Variants in CYYR1 observed in about 807,000 individuals in gnomAD.
CYYR1 encodes cysteine and tyrosine-rich protein 1.
In CYYR1, 14 loss-of-function variants were observed where a neutral mutation model predicts 15.2. That is an observed-to-expected ratio of 0.92 (90% CI 0.61 to 1.44). The LOEUF is 1.44. Ranked by LOEUF, CYYR1 falls within the 40% of genes most tolerant of loss-of-function variation. The pLI is 0.00. For missense variants in CYYR1, 228 were observed against 209.5 expected (o/e 1.09, Z -0.54); for synonymous variants, 80 against 77.4 (o/e 1.03, Z -0.18).
At chr21:26,520,111 GAGAT>G (rs765010626) in intron 2 of CYYR1, among the ~76,000 whole-genome samples, 8,541 of 83,060 alleles carry the variant, frequency 0.1, 673 homozygotes, top group South Asian at 0.12. Context: ...AAAAACCCAG[GAGAT>G]ATATATATAT....
chr21:26,542,290 C>CGTGTGTGTGTGTGT (rs55725152), intron 2 of CYYR1, among the ~76,000 whole-genome samples: 6 of 128,070 alleles, frequency 4.7e-5, no homozygotes, highest in Admixed American at 2.5e-4. Flanking sequence ...TGTGTGTGTG[C>CGTGTGTGTGTGTGT]GTGTGTGTGT....
At chr21:26,534,981 T>C (rs374942685) in intron 2 of CYYR1, among the ~76,000 whole-genome samples, 1 of 152,190 alleles carries the variant, frequency 6.6e-6, no homozygotes, top group East Asian at 1.9e-4. Flanking sequence ...TACAAATGTA[T>C]TCTATCTGGA....
intron 2 of CYYR1, among the ~76,000 whole-genome samples, chr21:26,534,896 A>G (rs2065976035): frequency 6.6e-6 from 1 of 152,160 alleles, no homozygotes; most frequent in Non-Finnish European, 1.5e-5. Context: ...TGTATGTACG[A>G]TCTTATGTAA....
chr21:26,490,316 AT>A (rs575398943), intron 2 of CYYR1, among the ~76,000 whole-genome samples: 9 of 151,898 alleles, frequency 5.9e-5, no homozygotes, highest in East Asian at 1.9e-4. Context: ...TTTAAAAAAA[AT>A]ATATATATAT....
At chr21:26,475,701 A>T (rs1167693995) in intron 3 of CYYR1, among the ~76,000 whole-genome samples, 1 of 152,174 alleles carries the variant, frequency 6.6e-6, no homozygotes, top group Non-Finnish European at 1.5e-5. Flanking sequence ...CTACTTCATC[A>T]TACCCATAAA....
intron 3 of CYYR1, chr21:26,478,189 A>G (rs528863545): frequency 3.9e-6 from 6 of 1,543,608 alleles, no homozygotes; most frequent in Middle Eastern, 1.7e-4. Flanking sequence ...GCTAAACTAT[A>G]CGATATCTTG....
At chr21:26,499,455 T>C (rs2065450856) in intron 2 of CYYR1, among the ~76,000 whole-genome samples, 1 of 152,214 alleles carries the variant, frequency 6.6e-6, no homozygotes, top group Non-Finnish European at 1.5e-5. Context: ...AGACTTCTGG[T>C]CCCCAGAACG....
At chr21:26,476,585 C>CATCTATCT (rs11450529) in intron 3 of CYYR1, among the ~76,000 whole-genome samples, 29,478 of 143,636 alleles carry the variant, frequency 0.21, 3,008 homozygotes, top group South Asian at 0.26. Flanking sequence ...CCCTATCTAT[C>CATCTATCT]ATCTATCTAT....
At chr21:26,477,156 G>A (rs959294052) in intron 3 of CYYR1, among the ~76,000 whole-genome samples, 1 of 152,080 alleles carries the variant, frequency 6.6e-6, no homozygotes, top group Non-Finnish European at 1.5e-5. Context: ...GTGGGCTGTA[G>A]GACTATACAA....
intron 2 of CYYR1, among the ~76,000 whole-genome samples, chr21:26,500,352 A>G (rs750926402): frequency 3.9e-5 from 6 of 152,190 alleles, no homozygotes; most frequent in Non-Finnish European, 5.9e-5. Flanking sequence ...CACATAGGAA[A>G]GAGGGTCAGC....
chr21:26,494,267 T>C (rs1228939238), intron 2 of CYYR1, among the ~76,000 whole-genome samples: 2 of 152,224 alleles, frequency 1.3e-5, no homozygotes, highest in African/African-American at 4.8e-5. Flanking sequence ...GGTGTGATAA[T>C]TAATTACAGT....
intron 2 of CYYR1, among the ~76,000 whole-genome samples, chr21:26,525,748 G>C (rs1387577904): frequency 6.6e-6 from 1 of 152,180 alleles, no homozygotes; most frequent in East Asian, 1.9e-4. Flanking sequence ...TATAGTCATT[G>C]CCTACATGTG....
chr21:26,552,870 G>T (rs750631488), intron 2 of CYYR1, among the ~76,000 whole-genome samples: 39 of 151,956 alleles, frequency 2.6e-4, no homozygotes, highest in Non-Finnish European at 4.4e-4. Flanking sequence ...TTAAATAGTC[G>T]ATTGCATTTT....
At chr21:26,510,300 A>G (rs2065629015) in intron 2 of CYYR1, among the ~76,000 whole-genome samples, 1 of 152,218 alleles carries the variant, frequency 6.6e-6, no homozygotes, top group Admixed American at 6.5e-5. Context: ...TTATAAAGTT[A>G]TCTCATTGTT....
Position 26,499,872 on chromosome 21 carries a change from A to G in CYYR1, c.177-19443T>C, listed in dbSNP as rs1157039960. On this transcript the variant is annotated intron_variant, in intron 2 of 3. Coordinates refer to ENST00000652641, the MANE Select transcript of CYYR1 (RefSeq NM_001320768.2). ...TTTTTTCAGAGAAGGGGTCTATGGT[A>G]GTGCAGGGAGAGAACTGGAAAGGGC... Among the ~76,000 whole-genome samples, 5 of 150,350 alleles carry G rather than the reference A, an allele frequency of 3.3e-5. 1 individual carries two copies. In the South Asian group the frequency reaches 1.1e-3, roughly 32 times the overall value.
chr21:26,504,877 T>G (rs975891285), intron 2 of CYYR1, among the ~76,000 whole-genome samples: 1 of 152,154 alleles, frequency 6.6e-6, no homozygotes, highest in African/African-American at 2.4e-5. Flanking sequence ...TGATTTGATT[T>G]TTAGATCCCA....
At position 26,495,228 on chromosome 21, in the gene CYYR1, T is replaced by C. The variant is rs535651802; in HGVS notation, c.177-14799A>G. Among the ~76,000 whole-genome samples, 141 of 152,242 alleles carry C rather than the reference T, an allele frequency of 9.3e-4. 2 individuals carry two copies. The South Asian group carries it at 0.027, about 30-fold the overall frequency. On this transcript the variant is annotated intron_variant, in intron 2 of 3. Coordinates refer to ENST00000652641, the MANE Select transcript of CYYR1 (RefSeq NM_001320768.2). ...ATTCTTCTGATCACGTTAATGCAGA[T>C]TGGGCAGAGAGCGGTAGATCTAACA... is the stretch of plus-strand genomic sequence containing the variant.
At chr21:26,480,770 G>T (rs1601731423) in intron 2 of CYYR1, among the ~76,000 whole-genome samples, 1 of 152,040 alleles carries the variant, frequency 6.6e-6, no homozygotes, top group East Asian at 1.9e-4. Flanking sequence ...AAACCATTCT[G>T]CTGTGTATCT....
intron 2 of CYYR1, among the ~76,000 whole-genome samples, chr21:26,556,687 A>T (rs959106455): frequency 1.2e-4 from 19 of 152,050 alleles, no homozygotes; most frequent in African/African-American, 4.3e-4. Context: ...AAACAACCAG[A>T]TCTCATGAGG....
Sources: gnomAD v4.1 joint callset for allele counts (sites outside exome capture counted in the v4.1 genomes callset) on GRCh38, gnomAD v4.1.1 for gene constraint, MANE v1.5 for transcripts, NCBI Gene and HGNC (gene_info 2026-07-23, HGNC 2026-07-21) for gene names.